The following BICD1 variants were observed in gnomAD, a reference collection of about 807,000 sequenced individuals.
The protein encoded by BICD1 is protein bicaudal D homolog 1.
BICD1 carries 35 observed loss-of-function variants against 92.5 expected under a neutral mutation model. The ratio of observed to expected loss-of-function variants is 0.38; its 90% CI spans 0.29 to 0.50. The LOEUF is 0.50. BICD1 is among the 20% of genes least tolerant of loss of function. BICD1 has a pLI of 0.93. For synonymous variants in BICD1, 429 were observed against 465.1 expected, an observed-to-expected ratio of 0.92 and a Z score of 1.00; for missense variants, 950 against 1,189.8, an observed-to-expected ratio of 0.80 and a Z score of 2.97.
chr12:32,171,940 T>TAC (rs61038844), intron 1 of BICD1, among the ~76,000 whole-genome samples: 1,935 of 141,048 alleles, frequency 0.014, 28 homozygotes, highest in African/African-American at 0.037. Context: ...TCTCAAAAAA[T>TAC]ACACACACAC....
chr12:32,365,738 C>T (rs542899986), intron 8 of BICD1, among the ~76,000 whole-genome samples: 1 of 152,166 alleles, frequency 6.6e-6, no homozygotes, highest in Non-Finnish European at 1.5e-5. Context: ...CCTAAATTAC[C>T]ACTCAGATAG....
intron 1 of BICD1, among the ~76,000 whole-genome samples, chr12:32,128,804 G>A (rs549291427): frequency 1.3e-5 from 2 of 152,064 alleles, no homozygotes; most frequent in South Asian, 4.2e-4. Flanking sequence ...ATAGGGTATT[G>A]TTTTGTTGCG....
At chr12:32,243,661 A>G (rs1482123735) in intron 2 of BICD1, among the ~76,000 whole-genome samples, 4 of 151,908 alleles carry the variant, frequency 2.6e-5, no homozygotes, top group African/African-American at 9.7e-5. Flanking sequence ...ATTTTATTTT[A>G]CTTTTGACAC....
At chr12:32,164,462 T>G (rs1025252706) in intron 1 of BICD1, among the ~76,000 whole-genome samples, 4 of 152,208 alleles carry the variant, frequency 2.6e-5, no homozygotes, top group African/African-American at 9.7e-5. Flanking sequence ...TACCACGCAA[T>G]CCTATCTTTG....
In BICD1 at chr12:32,334,524, G is replaced by A; in HGVS notation, c.2109G>A (p.Glu703=). The change falls in exon 6 of 10, where the codon GAG becomes GAA. Residue 703 remains glutamate, a synonymous_variant. Transcript: ENST00000652176. The part of the protein sequence containing the change: ...AVLKANKQTA[E]VALANLKNKY... Reference sequence around the variant, plus strand: ...GTGATTTTCTGCTTTAGACAGCTGAGGTGGCGCTAGCTAATCTCAAGAACA... The same window carrying A: ...GTGATTTTCTGCTTTAGACAGCTGAAGTGGCGCTAGCTAATCTCAAGAACA... 1 of 1,608,206 alleles carries A rather than the reference G, an allele frequency of 6.2e-7. No individual in the cohort carries two copies. The highest frequency in any genetic ancestry group is 8.5e-7 in the Non-Finnish European group (1 of 1,177,406).
intron 4 of BICD1, among the ~76,000 whole-genome samples, chr12:32,326,052 C>T (rs1458606741): frequency 3.4e-5 from 2 of 59,046 alleles, no homozygotes; most frequent in Non-Finnish European, 8.1e-5. Flanking sequence ...CACTGCACTC[C>T]AGCCTGGGAG....
chr12:32,117,719 C>T lies in BICD1; in HGVS notation c.213+10175C>T, dbSNP rs907558299. Among the ~76,000 whole-genome samples the T allele has an allele frequency of 2.1e-3, 212 of 102,406 alleles. 1 individual carries two copies. The highest frequency in any genetic ancestry group is 4.9e-3 in the Middle Eastern group (1 of 206). The allele number at this position is 102,406 out of a possible 152,430, so 67.2% of individuals were successfully genotyped here. On this transcript the variant is annotated intron_variant, in intron 1 of 9. Transcript: ENST00000652176. ...ATATACACAAATATATATACACACA[C>T]ACACACACACACACACATATATATA...
At chr12:32,277,996 T>G (rs936631061) in intron 2 of BICD1, among the ~76,000 whole-genome samples, 1 of 152,240 alleles carries the variant, frequency 6.6e-6, no homozygotes, top group Non-Finnish European at 1.5e-5. Flanking sequence ...TGATGGGAAC[T>G]AAAATTACTT....
intron 4 of BICD1, among the ~76,000 whole-genome samples, chr12:32,326,252 T>C (rs1293486686): frequency 1.3e-5 from 2 of 152,024 alleles, no homozygotes; most frequent in Non-Finnish European, 2.9e-5. Flanking sequence ...CCATGATACT[T>C]CTTATAGAAC....
At chr12:32,263,565 G>A (rs1412597083) in intron 2 of BICD1, among the ~76,000 whole-genome samples, 3 of 149,766 alleles carry the variant, frequency 2.0e-5, no homozygotes, top group African/African-American at 4.9e-5. Context: ...AAAAAAAAAA[G>A]TATTACAGAA....
intron 1 of BICD1, among the ~76,000 whole-genome samples, chr12:32,215,859 C>A (rs1195654450): frequency 6.9e-6 from 1 of 144,386 alleles, no homozygotes; most frequent in Non-Finnish European, 1.5e-5. Context: ...GAGGCTGAGG[C>A]AGGAGAATGG....
At chr12:32,149,707 T>C (rs1448216689) in intron 1 of BICD1, among the ~76,000 whole-genome samples, 2 of 152,152 alleles carry the variant, frequency 1.3e-5, no homozygotes, top group Non-Finnish European at 2.9e-5. Flanking sequence ...TTCTGGAGAC[T>C]GGGAAGTCCA....
At position 32,108,446 on chromosome 12, in the gene BICD1, T is replaced by C. The variant is rs116811141; in HGVS notation, c.213+902T>C. 1.7e-3 allele frequency: 733 copies of C among 437,860 alleles called. 5 individuals are homozygous for C. Among genetic ancestry groups the C allele is most frequent in the African/African-American group, 0.013 (665 of 50,232 alleles). The allele number at this position is 437,860 out of a possible 1,614,324, so 27.1% of individuals were successfully genotyped here. On this transcript the variant is annotated intron_variant, in intron 1 of 9. Transcript: ENST00000652176. Reference sequence around the variant, plus strand: ...TCAGTCACTCTTAAGAACATACATATTGTTTAAGTAACTCGGTCTTTTTTA... The same window carrying C: ...TCAGTCACTCTTAAGAACATACATACTGTTTAAGTAACTCGGTCTTTTTTA...
intron 1 of BICD1, among the ~76,000 whole-genome samples, chr12:32,168,628 C>G (rs920849027): frequency 2.5e-4 from 38 of 152,192 alleles, no homozygotes; most frequent in Non-Finnish European, 4.0e-4. Context: ...AAGGCAGGAA[C>G]TTGGGATGTG....
intron 1 of BICD1, among the ~76,000 whole-genome samples, chr12:32,170,911 A>C (rs1013059810): frequency 6.6e-6 from 1 of 152,198 alleles, no homozygotes; most frequent in Non-Finnish European, 1.5e-5. Flanking sequence ...GAGGACGAGA[A>C]GCCCTGATCT....
At chr12:32,198,868 G>T (rs1448242982) in intron 1 of BICD1, among the ~76,000 whole-genome samples, 1 of 152,108 alleles carries the variant, frequency 6.6e-6, no homozygotes, top group African/African-American at 2.4e-5. Flanking sequence ...TCTAGACAGG[G>T]TTCTTAACTT....
chr12:32,278,834 C>G (rs1947342552), intron 2 of BICD1, among the ~76,000 whole-genome samples: 1 of 151,716 alleles, frequency 6.6e-6, no homozygotes, highest in South Asian at 2.1e-4. Flanking sequence ...CCAGCCTGGG[C>G]GACAGAGCGA....
In BICD1 at chr12:32,356,405, G is replaced by A. The variant is rs192871407; in HGVS notation, c.2765-11265G>A. Among the ~76,000 whole-genome samples, 252 of 152,076 alleles carry A rather than the reference G, an allele frequency of 1.7e-3. 2 individuals are homozygous for A. Among genetic ancestry groups the A allele is most frequent in the African/African-American group, 5.8e-3 (239 of 41,494 alleles). ...GGTGGCTCATGCCTGTAATCCCAGC[G>A]CTTTGGGAGGCTGAGGCGAGCGGAT... On this transcript the variant is annotated intron_variant, in intron 8 of 9. Coordinates refer to ENST00000652176, the MANE Select transcript of BICD1 (RefSeq NM_001714.4).
chr12:32,110,772 A>T (rs934569004), intron 1 of BICD1, among the ~76,000 whole-genome samples: 4 of 145,194 alleles, frequency 2.8e-5, no homozygotes, highest in Non-Finnish European at 6.0e-5. Flanking sequence ...TCACTCATAG[A>T]TGGGAATTGA....
Sources: allele counts gnomAD v4.1 joint callset (sites outside exome capture counted in the v4.1 genomes callset), GRCh38; gene constraint gnomAD v4.1.1; transcripts MANE v1.5; gene names NCBI Gene and HGNC (gene_info 2026-07-23, HGNC 2026-07-21).